The following HPRT1 variants were observed in gnomAD, a reference collection of about 807,000 sequenced individuals.
The protein encoded by HPRT1 is hypoxanthine-guanine phosphoribosyltransferase.
A neutral mutation model predicts 19.0 loss-of-function variants in HPRT1; 4 were observed. That is an observed-to-expected ratio of 0.21 (90% CI 0.10 to 0.48). The LOEUF (loss-of-function observed/expected upper bound fraction) is 0.48. HPRT1 is among the 20% of genes least tolerant of loss of function. HPRT1 has a pLI of 0.98. For missense variants in HPRT1, 65 were observed against 164.0 expected (o/e 0.40, Z 3.30); for synonymous variants, 53 against 54.9 (o/e 0.97, Z 0.15).
intron 2 of HPRT1, 65 bp from the exon 3 acceptor site, chrX:134,475,116 G>A: frequency 1.1e-6 from 1 of 869,908 alleles, no homozygotes. Context: ...TAATGACTAA[G>A]AGGTGTTTGT....
At chrX:134,493,395 G>A in intron 5 of HPRT1, 113 bp from the exon 6 acceptor site, 1 of 561,438 alleles carries the variant, frequency 1.8e-6, no homozygotes, top group Non-Finnish European at 3.2e-6. Context: ...GTAGATTTTG[G>A]TGAGAATTAC....
In HPRT1 at chrX:134,466,515, G is replaced by A. The variant is rs1467771660; in HGVS notation, c.27+6177G>A. 2.7e-5 allele frequency among the ~76,000 whole-genome samples: 3 copies of A among 110,578 alleles called. No individual in the cohort carries two copies. In the East Asian group the frequency reaches 8.5e-4, roughly 31 times the overall value. On this transcript the variant is annotated intron_variant, in intron 1 of 8. Transcript: ENST00000298556. ...GACCTTCAAGCCAAAGAAGAGGCCTGAGATTGAAACCTACCTTGCAGGTAC... is the reference window on the plus strand; with the variant it reads ...GACCTTCAAGCCAAAGAAGAGGCCTAAGATTGAAACCTACCTTGCAGGTAC...
intron 1 of HPRT1, among the ~76,000 whole-genome samples, chrX:134,464,592 T>G (rs2077592168): frequency 8.9e-6 from 1 of 111,951 alleles, no homozygotes; most frequent in Non-Finnish European, 1.9e-5. Context: ...TTGTTTGTTT[T>G]TTTTGAGATG....
chrX:134,479,778 G>T (rs910707743), intron 3 of HPRT1, among the ~76,000 whole-genome samples: 1 of 109,742 alleles, frequency 9.1e-6, no homozygotes, highest in Non-Finnish European at 1.9e-5. Flanking sequence ...ACTAATTTTT[G>T]CATTTTTTTT....
At chrX:134,483,102 C>A (rs1180075134) in intron 3 of HPRT1, among the ~76,000 whole-genome samples, 1 of 110,891 alleles carries the variant, frequency 9.0e-6, no homozygotes, top group Non-Finnish European at 1.9e-5. Flanking sequence ...TACTAAGCCA[C>A]TAAGGGGACA....
At chrX:134,462,294 C>T (rs1047075464) in intron 1 of HPRT1, among the ~76,000 whole-genome samples, 6 of 111,490 alleles carry the variant, frequency 5.4e-5, no homozygotes, top group African/African-American at 2.0e-4. Flanking sequence ...GATTCTCCTA[C>T]CTCATCCCCC....
chrX:134,464,549 T>C (rs1025178828), intron 1 of HPRT1, among the ~76,000 whole-genome samples: 1 of 112,341 alleles, frequency 8.9e-6, no homozygotes. Flanking sequence ...TATACCTCTT[T>C]TAATTCACAT....
chrX:134,484,144 C>T (rs952438255), intron 3 of HPRT1, among the ~76,000 whole-genome samples: 5 of 112,094 alleles, frequency 4.5e-5, no homozygotes, highest in African/African-American at 1.6e-4. Context: ...TTCCATGACT[C>T]CATACTTTTC....
chrX:134,462,807 G>A (rs770875991), intron 1 of HPRT1, among the ~76,000 whole-genome samples: 12 of 112,132 alleles, frequency 1.1e-4, no homozygotes, highest in Non-Finnish European at 2.1e-4. Context: ...AATAACAAAT[G>A]CTTAAATGGT....
chrX:134,497,459 C>G (rs999998665), intron 6 of HPRT1, among the ~76,000 whole-genome samples: 2 of 108,837 alleles, frequency 1.8e-5, no homozygotes, highest in African/African-American at 6.7e-5. Flanking sequence ...TGGAGAAACC[C>G]TGTCTCTACT....
intron 2 of HPRT1, among the ~76,000 whole-genome samples, chrX:134,474,027 C>T (rs1421982103): frequency 8.9e-6 from 1 of 112,117 alleles, no homozygotes; most frequent in African/African-American, 3.2e-5. Flanking sequence ...CAAGCACTGG[C>T]TATGCATGTA....
intron 5 of HPRT1, 114 bp downstream of exon 5, chrX:134,490,319 T>A: frequency 2.5e-6 from 1 of 405,146 alleles, no homozygotes. Context: ...AATGGTGGGC[T>A]TGTGTTCTAA....
intron 6 of HPRT1, among the ~76,000 whole-genome samples, chrX:134,494,228 G>C (rs1326008582): frequency 8.9e-6 from 1 of 112,179 alleles, no homozygotes; most frequent in Non-Finnish European, 1.9e-5. Context: ...TTTGAACCCA[G>C]GGAACCTGGC....
intron 3 of HPRT1, among the ~76,000 whole-genome samples, chrX:134,477,113 T>A (rs1211688492): frequency 9.5e-6 from 1 of 105,639 alleles, no homozygotes; most frequent in Non-Finnish European, 1.9e-5. Flanking sequence ...CAGGCTGGAG[T>A]GCAGTGGCAT....
intron 6 of HPRT1, among the ~76,000 whole-genome samples, chrX:134,497,589 G>A (rs1270886464): frequency 9.1e-6 from 1 of 109,322 alleles, no homozygotes; most frequent in Admixed American, 9.8e-5. Flanking sequence ...AGTTGGGCGA[G>A]CCATTGCACT....
chrX:134,469,892 T>C (rs183409560), intron 1 of HPRT1, among the ~76,000 whole-genome samples: 60 of 112,815 alleles, frequency 5.3e-4, no homozygotes, highest in Admixed American at 1.5e-3. Flanking sequence ...GTTTGTATTT[T>C]CCTAGAACTT....
At position 134,486,831 on chromosome X, in the gene HPRT1, A is replaced by C. The variant is rs1026238797; in HGVS notation, c.384+301A>C. Among the ~76,000 whole-genome samples, 6 of 109,129 alleles carry C rather than the reference A, an allele frequency of 5.5e-5. No individual in the cohort carries two copies. The East Asian group carries it at 8.6e-4, about 16-fold the overall frequency. The allele number at this position is 109,129 out of a possible 115,157, so 94.8% of individuals were successfully genotyped here. A position where few individuals can be genotyped will look rare whatever the true frequency, so the allele number is the denominator to read the frequency against. ...AAAGATAGCCTTTAAAAAAAAAAAA[A>C]AAACAAACCTATGTGAGTCTATGTG... On this transcript the variant is annotated intron_variant, in intron 4 of 8. Transcript: ENST00000298556.
intron 5 of HPRT1, among the ~76,000 whole-genome samples, chrX:134,491,399 G>A (rs2077666090): frequency 9.0e-6 from 1 of 111,275 alleles, no homozygotes; most frequent in Admixed American, 9.7e-5. Flanking sequence ...TTCCTCAACT[G>A]TGTCCTGATA....
chrX:134,482,708 A>T (rs1168636584), intron 3 of HPRT1, among the ~76,000 whole-genome samples: 1 of 111,251 alleles, frequency 9.0e-6, no homozygotes, highest in Non-Finnish European at 1.9e-5. Context: ...TAATGTGTTT[A>T]TTTAAAAGAA....
Sources: gnomAD v4.1 joint callset for allele counts (sites outside exome capture counted in the v4.1 genomes callset) on GRCh38, gnomAD v4.1.1 for gene constraint, MANE v1.5 for transcripts, NCBI Gene and HGNC (gene_info 2026-07-23, HGNC 2026-07-21) for gene names.